KBTBD2: variants seen among roughly 807,000 people sequenced by gnomAD.
KBTBD2 encodes the protein kelch repeat and BTB domain-containing protein 2.
KBTBD2 carries 17 observed loss-of-function variants against 57.1 expected under a neutral mutation model. The observed-to-expected ratio is 0.30, with a 90% confidence interval of 0.20 to 0.45. The LOEUF (loss-of-function observed/expected upper bound fraction) is 0.45, where lower values mean the gene tolerates loss of function less well. Among genes scored for constraint, KBTBD2 ranks in the 20% least tolerant of loss-of-function variants. KBTBD2 has a pLI of 1.00. For synonymous variants in KBTBD2, 267 were observed against 262.7 expected, an observed-to-expected ratio of 1.02 and a Z score of -0.16; for missense variants, 515 against 750.6, an observed-to-expected ratio of 0.69 and a Z score of 3.67.
chr7:32,891,818 G>GCCGCGCCGCCCGCCCGC (rs1257972788), upstream of KBTBD2: 30 of 147,148 alleles, frequency 2.0e-4, no homozygotes, highest in Admixed American at 4.0e-4. Flanking sequence ...TCCCCCGGGA[G>GCCGCGCCGCCCGCCCGC]CCGCGCCGCC....
At chr7:32,888,079 C>A (rs1433614638) in intron 1 of KBTBD2, among the ~76,000 whole-genome samples, 1 of 152,192 alleles carries the variant, frequency 6.6e-6, no homozygotes, top group Non-Finnish European at 1.5e-5. Flanking sequence ...AAATACAGTT[C>A]TCTTTTTTCA....
Position 32,874,981 on chromosome 7 carries a change from T to G in KBTBD2, c.336+11A>C, listed in dbSNP as rs1409316564. ...GAGAGACTCCGTCTAAAAAAATATA[T>G]ATATGCTTACCTGTAGGAAGCAAGC... On this transcript the variant is annotated intron_variant, in intron 3 of 3. Transcript: ENST00000304056. 6.2e-7 allele frequency: 1 copy of G among 1,611,330 alleles called. No individual in the cohort carries two copies. The highest frequency in any genetic ancestry group is 1.3e-5 in the African/African-American group (1 of 74,838).
rs897741323 is a variant in KBTBD2 at position 32,869,638 on chromosome 7, C to T, written c.1579G>A (p.Ala527Thr). The stretch of plus-strand genomic sequence containing the variant: ...CATAGAGAATTTGAGATCACAACAG[C>T]TCTAACACAGGGGTCAGAGTACCTC... ...AKRYSDPCVR[A>T]VVISNSLCVF... Residue 527 changes from alanine to threonine, a missense_variant, in exon 4 of 4, where the codon GCT becomes ACT. Transcript: ENST00000304056. 8 of 1,614,068 alleles carry T rather than the reference C, an allele frequency of 5.0e-6. No individual in the cohort carries two copies. Among genetic ancestry groups the T allele is most frequent in the South Asian group, 2.2e-5 (2 of 91,084 alleles).
intron 2 of KBTBD2, among the ~76,000 whole-genome samples, chr7:32,875,731 AAT>A (rs1329311120): frequency 2.6e-5 from 4 of 152,232 alleles, no homozygotes; most frequent in African/African-American, 9.6e-5. Flanking sequence ...ACTAAGTATT[AAT>A]ATATACTTTA....
chr7:32,875,197 G>C, intron 2 of KBTBD2, 40 bp from the exon 3 acceptor site: 2 of 1,561,490 alleles, frequency 1.3e-6, no homozygotes, highest in Non-Finnish European at 8.8e-7. Flanking sequence ...TAAGGGTTTT[G>C]TGTAAAACAA....
In KBTBD2 at chr7:32,870,592, G is replaced by T; in HGVS notation, c.625C>A (p.Arg209=). The T allele has an allele frequency of 6.2e-7, 1 of 1,614,090 alleles. No homozygotes were observed. Among genetic ancestry groups the T allele is most frequent in the South Asian group, 1.1e-5 (1 of 91,074 alleles). The change falls in exon 4 of 4, where the codon CGA becomes AGA. Residue 209 remains arginine, a synonymous_variant. Coordinates refer to ENST00000304056, the MANE Select transcript of KBTBD2 (RefSeq NM_015483.3). The part of the protein sequence containing the change: ...MLWLEYNTES[R]SQYLSSVLSQ... ...AGAACAGAAGACAAATACTGGGATC[G>T]TGATTCTGTGTTATACTCTAGCCAC...
chr7:32,875,360 C>T (rs1784286982), intron 2 of KBTBD2, among the ~76,000 whole-genome samples: 1 of 152,136 alleles, frequency 6.6e-6, no homozygotes, highest in Non-Finnish European at 1.5e-5. Flanking sequence ...CAGCCTTGAC[C>T]TTCTGTGCTC....
intron 1 of KBTBD2, among the ~76,000 whole-genome samples, chr7:32,890,614 G>A (rs1020264686): frequency 3.3e-5 from 5 of 152,174 alleles, no homozygotes; most frequent in South Asian, 2.1e-4. Flanking sequence ...CTGTGAGCCC[G>A]ACGTACAGAT....
intron 3 of KBTBD2, among the ~76,000 whole-genome samples, chr7:32,871,574 G>C (rs543025721): frequency 1.3e-5 from 2 of 152,224 alleles, no homozygotes; most frequent in South Asian, 4.1e-4. Flanking sequence ...TGACAAGTCA[G>C]GTTGCTTGGA....
intron 2 of KBTBD2, among the ~76,000 whole-genome samples, chr7:32,878,311 T>A (rs1034494621): frequency 2.0e-5 from 3 of 152,124 alleles, no homozygotes; most frequent in African/African-American, 7.2e-5. Context: ...CGGTGCGCAG[T>A]GGCTCACGCC....
intron 2 of KBTBD2, among the ~76,000 whole-genome samples, chr7:32,875,540 C>T (rs943879971): frequency 2.0e-5 from 3 of 152,004 alleles, no homozygotes; most frequent in Non-Finnish European, 4.4e-5. Context: ...TGAAAGTGCT[C>T]GGATTACAGG....
At chr7:32,873,718 G>A (rs1327207315) in intron 3 of KBTBD2, among the ~76,000 whole-genome samples, 1 of 151,524 alleles carries the variant, frequency 6.6e-6, no homozygotes, top group Non-Finnish European at 1.5e-5. Context: ...TGGGCAACAA[G>A]AGTGAAATTC....
intron 1 of KBTBD2, among the ~76,000 whole-genome samples, chr7:32,888,148 CT>C (rs971446855): frequency 1.1e-4 from 16 of 152,086 alleles, no homozygotes; most frequent in African/African-American, 3.6e-4. Flanking sequence ...AATATTGGGA[CT>C]TTTTTGCAAA....
chr7:32,880,825 G>A lies in KBTBD2; in HGVS notation c.-338-883C>T, dbSNP rs144857319. ...CATAAGAAACCAGAGATGACTGGCCGGGCACAGTGGCTCATGCCTGTAATC... is the reference window on the plus strand; with the variant it reads ...CATAAGAAACCAGAGATGACTGGCCAGGCACAGTGGCTCATGCCTGTAATC... On this transcript the variant is annotated intron_variant, in intron 1 of 3. Transcript: ENST00000304056. 9.0e-4 allele frequency among the ~76,000 whole-genome samples: 137 copies of A among 152,200 alleles called. 1 individual carries two copies. The highest frequency in any genetic ancestry group is 3.1e-3 in the African/African-American group (128 of 41,536).
At chr7:32,887,256 A>G (rs374453032) in intron 1 of KBTBD2, among the ~76,000 whole-genome samples, 56 of 152,366 alleles carry the variant, frequency 3.7e-4, no homozygotes, top group African/African-American at 1.2e-3. Flanking sequence ...GCCTGCTACA[A>G]TAAGCACAGT....
intron 2 of KBTBD2, among the ~76,000 whole-genome samples, chr7:32,876,855 G>A (rs923441915): frequency 6.6e-6 from 1 of 152,014 alleles, no homozygotes; most frequent in Admixed American, 6.5e-5. Flanking sequence ...TACTCAGGAG[G>A]CTGAGGCAGG....
intron 3 of KBTBD2, among the ~76,000 whole-genome samples, chr7:32,872,206 A>T (rs1784195840): frequency 3.9e-5 from 6 of 151,968 alleles, no homozygotes; most frequent in Admixed American, 3.9e-4. Flanking sequence ...CAACAGAACA[A>T]GACATGTCTC....
intron 3 of KBTBD2, among the ~76,000 whole-genome samples, chr7:32,871,082 T>G (rs1165792467): frequency 6.6e-6 from 1 of 152,196 alleles, no homozygotes; most frequent in African/African-American, 2.4e-5. Flanking sequence ...TCCTGCTCAG[T>G]GGCCTACTTA....
Position 32,870,010 on chromosome 7 carries a change from C to T in KBTBD2, c.1207G>A (p.Asp403Asn), listed in dbSNP as rs1312606025. 5.6e-6 allele frequency: 9 copies of T among 1,614,136 alleles called. No individual in the cohort carries two copies. The highest frequency in any genetic ancestry group is 7.6e-6 in the Non-Finnish European group (9 of 1,180,016). Residue 403 changes from aspartate (D) to asparagine (N), a missense_variant, in exon 4 of 4, where the codon GAC becomes AAC. Asp to Asn is a conservative substitution (Grantham distance 23). Coordinates refer to ENST00000304056, the MANE Select transcript of KBTBD2 (RefSeq NM_015483.3). ...ATCGTCCACTCATCTTTCTCAGTGT[C>T]GTATCTTTCTACGGTCCTCCGATTA... ...ELNRRTVERY[D>N]TEKDEWTMVS...
Sources: allele counts gnomAD v4.1 joint callset (sites outside exome capture counted in the v4.1 genomes callset), GRCh38; gene constraint gnomAD v4.1.1; transcripts MANE v1.5; gene names NCBI Gene and HGNC (gene_info 2026-07-23, HGNC 2026-07-21).